The following PDE4D variants were observed in gnomAD, a reference collection of about 807,000 sequenced individuals.
PDE4D encodes phosphodiesterase 4D.
Under a neutral mutation model 87.4 loss-of-function variants are expected in PDE4D, and 24 were observed. The observed-to-expected ratio is 0.27, with a 90% CI of 0.20 to 0.39. The LOEUF is 0.39. PDE4D is among the 10% of genes least tolerant of loss of function. PDE4D has a pLI of 1.00. For synonymous variants in PDE4D, 384 were observed against 383.2 expected (o/e 1.00, Z -0.02); for missense variants, 714 against 1,041.0 (o/e 0.69, Z 4.32).
At chr5:59,391,269 A>G (rs1788181007) in intron 1 of PDE4D, among the ~76,000 whole-genome samples, 1 of 152,154 alleles carries the variant, frequency 6.6e-6, no homozygotes, top group Non-Finnish European at 1.5e-5. Flanking sequence ...CTCCTAGGGG[A>G]CTTCATTTGA....
intron 1 of PDE4D, among the ~76,000 whole-genome samples, chr5:59,387,538 C>T (rs1379306051): frequency 6.6e-6 from 1 of 151,996 alleles, no homozygotes; most frequent in African/African-American, 2.4e-5. Context: ...CTAATAGTTC[C>T]ATTGTATTTC....
At chr5:59,013,798 G>C (rs1753367836) in intron 6 of PDE4D, among the ~76,000 whole-genome samples, 1 of 151,484 alleles carries the variant, frequency 6.6e-6, no homozygotes, top group East Asian at 1.9e-4. Flanking sequence ...CATTTGATGA[G>C]GCCAGCATCA....
intron 5 of PDE4D, among the ~76,000 whole-genome samples, chr5:59,077,461 A>AT (rs1314021055): frequency 0.013 from 1,797 of 135,864 alleles, 45 homozygotes; most frequent in African/African-American, 0.043. Flanking sequence ...TGGGCAACTG[A>AT]TTTTTTTTTT....
chr5:60,414,792 A>G (rs1382657113), intron 1 of PDE4D, among the ~76,000 whole-genome samples: 1 of 152,224 alleles, frequency 6.6e-6, no homozygotes, highest in Non-Finnish European at 1.5e-5. Flanking sequence ...ATTACATTAA[A>G]TCTGGGAGTC....
At chr5:59,528,399 G>A (rs538980618) in intron 1 of PDE4D, among the ~76,000 whole-genome samples, 1 of 152,178 alleles carries the variant, frequency 6.6e-6, no homozygotes, top group African/African-American at 2.4e-5. Flanking sequence ...AGTTAAATAG[G>A]GTCACATTTG....
chr5:60,387,406 C>T (rs1762260884), intron 1 of PDE4D, among the ~76,000 whole-genome samples: 1 of 152,170 alleles, frequency 6.6e-6, no homozygotes, highest in Non-Finnish European at 1.5e-5. Flanking sequence ...GTTTCCAACT[C>T]CCTGTGCTCA....
At chr5:59,651,173 G>A (rs929993569) in intron 1 of PDE4D, among the ~76,000 whole-genome samples, 2 of 150,894 alleles carry the variant, frequency 1.3e-5, no homozygotes, top group Non-Finnish European at 3.0e-5. Flanking sequence ...GGAGAATGGC[G>A]TGAACCCAGG....
At chr5:59,133,196 C>T (rs1561541733) in intron 5 of PDE4D, among the ~76,000 whole-genome samples, 2 of 152,014 alleles carry the variant, frequency 1.3e-5, no homozygotes, top group East Asian at 3.9e-4. Flanking sequence ...AAACATGAAA[C>T]AGAAAAAACT....
chr5:60,155,195 A>G (rs909103325), intron 2 of PDE4D, among the ~76,000 whole-genome samples: 9 of 152,198 alleles, frequency 5.9e-5, no homozygotes, highest in Non-Finnish European at 1.3e-4. Context: ...CCAATTACCA[A>G]TACACACTAT....
chr5:60,166,962 G>C (rs1469030268), intron 2 of PDE4D, among the ~76,000 whole-genome samples: 2 of 151,702 alleles, frequency 1.3e-5, no homozygotes, highest in African/African-American at 2.4e-5. Flanking sequence ...ATTTTCTCTT[G>C]TTGCTTTCAG....
At chr5:60,262,335 A>G (rs1749729778) in intron 1 of PDE4D, 1 of 152,180 alleles carries the variant, frequency 6.6e-6, no homozygotes, top group Non-Finnish European at 1.5e-5. Flanking sequence ...TGAGCAAAAC[A>G]CAGCTTTTAA....
intron 1 of PDE4D, among the ~76,000 whole-genome samples, chr5:60,374,675 A>G (rs1761296799): frequency 6.6e-6 from 1 of 152,218 alleles, no homozygotes; most frequent in Non-Finnish European, 1.5e-5. Flanking sequence ...CACGTAAGAT[A>G]CTATCATATC....
At chr5:60,425,309 C>T (rs929978942) in intron 1 of PDE4D, among the ~76,000 whole-genome samples, 2 of 152,178 alleles carry the variant, frequency 1.3e-5, no homozygotes, top group African/African-American at 2.4e-5. Flanking sequence ...GTAACCAAAA[C>T]AGCATGGTAC....
chr5:59,781,213 A>G (rs145393917), intron 1 of PDE4D, among the ~76,000 whole-genome samples: 1 of 152,042 alleles, frequency 6.6e-6, no homozygotes, highest in African/African-American at 2.4e-5. Context: ...GAAGACCACA[A>G]AGGTAATCAA....
intron 6 of PDE4D, among the ~76,000 whole-genome samples, chr5:59,021,244 C>A (rs1755101767): frequency 1.3e-5 from 2 of 152,060 alleles, no homozygotes; most frequent in Admixed American, 1.3e-4. Flanking sequence ...TCAAAGAAAT[C>A]ATAATAAAGG....
intron 1 of PDE4D, among the ~76,000 whole-genome samples, chr5:59,795,998 G>T (rs994137120): frequency 6.6e-6 from 1 of 152,142 alleles, no homozygotes; most frequent in Admixed American, 6.5e-5. Flanking sequence ...CTTGCCTCAC[G>T]GTTCTCAGAA....
chr5:59,294,986 G>A (rs751548649), intron 1 of PDE4D, among the ~76,000 whole-genome samples: 1 of 152,154 alleles, frequency 6.6e-6, no homozygotes, highest in Non-Finnish European at 1.5e-5. Flanking sequence ...TATTGGTGAA[G>A]GCTAATAGAA....
At chr5:59,241,947 A>G (rs1185556891) in intron 1 of PDE4D, among the ~76,000 whole-genome samples, 1 of 152,230 alleles carries the variant, frequency 6.6e-6, no homozygotes, top group Non-Finnish European at 1.5e-5. Flanking sequence ...CAGAAAGATT[A>G]TCACAGGGAA....
At chr5:59,313,703 G>C (rs754492629) in intron 1 of PDE4D, among the ~76,000 whole-genome samples, 4 of 152,126 alleles carry the variant, frequency 2.6e-5, no homozygotes, top group Non-Finnish European at 4.4e-5. Flanking sequence ...TTCATACCTA[G>C]AACCAAATAT....
Sources: gnomAD v4.1 joint callset for allele counts (sites outside exome capture counted in the v4.1 genomes callset) on GRCh38, gnomAD v4.1.1 for gene constraint, MANE v1.5 for transcripts, NCBI Gene and HGNC (gene_info 2026-07-23, HGNC 2026-07-21) for gene names.